AXIN1: variants seen among roughly 807,000 people sequenced by gnomAD.
AXIN1 encodes axin-1.
Under a neutral mutation model 76.4 loss-of-function variants are expected in AXIN1, and 30 were observed. The observed-to-expected ratio is 0.39, with a 90% CI of 0.29 to 0.53. The LOEUF is 0.53. Ranked by LOEUF, AXIN1 falls within the 20% of genes least tolerant of loss-of-function variation. AXIN1 has a pLI of 0.66. For synonymous variants in AXIN1, 545 were observed against 501.4 expected (o/e 1.09, Z -1.16); for missense variants, 1,140 against 1,198.8 (o/e 0.95, Z 0.72).
In AXIN1 at chr16:293,680, G is replaced by C. The variant is rs2141487019; in HGVS notation, c.1994C>G (p.Ser665Cys). 1.9e-6 allele frequency: 3 copies of C among 1,613,800 alleles called. No homozygotes were observed. The highest frequency in any genetic ancestry group is 2.5e-6 in the Non-Finnish European group (3 of 1,180,034). ...GGGGTGCTCAAGGGACAAGGGTCTGGAGTTCTCATGGGGCTGTGGCTTCCT... is the reference window on the plus strand; with the variant it reads ...GGGGTGCTCAAGGGACAAGGGTCTGCAGTTCTCATGGGGCTGTGGCTTCCT... Reference protein sequence around the residue: ...GTRKPQPHENSRPLSLEHPWA... With the variant: ...GTRKPQPHENCRPLSLEHPWA... Residue 665 changes from serine to cysteine, a missense_variant, in exon 8 of 11, where the codon TCC becomes TGC. Transcript: ENST00000262320. The surrounding 1 kb of genome is among the most constrained non-coding windows in gnomAD (Gnocchi z 4.6).
In AXIN1 at chr16:289,475, C is replaced by T. The variant is rs2141467395; in HGVS notation, c.2427G>A (p.Gln809=). 6.2e-7 allele frequency: 1 copy of T among 1,612,960 alleles called. No individual in the cohort carries two copies. ...LVRGRAVTLG[Q]FKELLTKKGS... ...CCTTTTTGGTCAGCAGCTCCTTGAA[C>T]TGGCCCAGGGTGACAGCGCGGCCCC... The change falls in exon 10 of 11, where the codon CAG becomes CAA. Residue 809 remains glutamine (Q), a synonymous_variant. Transcript: ENST00000262320.
intron 2 of AXIN1, among the ~76,000 whole-genome samples, chr16:337,885 G>A (rs2053840174): frequency 6.6e-6 from 1 of 152,266 alleles, no homozygotes; most frequent in African/African-American, 2.4e-5. Flanking sequence ...TGGCAGAGCT[G>A]TGTGTGTTTT....
At chr16:320,253 C>T (rs1249012122) in intron 2 of AXIN1, among the ~76,000 whole-genome samples, 1 of 152,142 alleles carries the variant, frequency 6.6e-6, no homozygotes, top group East Asian at 1.9e-4. Flanking sequence ...ACTATGTCAC[C>T]CAGGCTGGTC....
Position 346,568 on chromosome 16 carries a change from T to C in AXIN1, c.458A>G (p.Asn153Ser), listed in dbSNP as rs376617060. The C allele has an allele frequency of 8.7e-6, 14 of 1,613,356 alleles. No homozygotes were observed. Among genetic ancestry groups the C allele is most frequent in the Non-Finnish European group, 9.3e-6 (11 of 1,179,566 alleles). Residue 153 changes from asparagine to serine, a missense_variant, in exon 2 of 11, where the codon AAT becomes AGT. This residue lies in a region of AXIN1 where 708 missense variants were observed against 776.9 expected (regional missense o/e 0.91). Transcript: ENST00000262320. The stretch of plus-strand genomic sequence containing the variant: ...CTTGGTCTGCCGGGACACGATGCCA[T>C]TGTTATCAAGAATGTACTTTCGGTA... The part of the protein sequence containing the change: ...AIYRKYILDN[N>S]GIVSRQTKPA...
At chr16:307,880 T>C (rs1252534055) in intron 4 of AXIN1, among the ~76,000 whole-genome samples, 1 of 152,174 alleles carries the variant, frequency 6.6e-6, no homozygotes, top group Non-Finnish European at 1.5e-5. Context: ...TCGGGTCCAG[T>C]TTCCCAGTAG....
chr16:323,165 C>A (rs149560154), intron 2 of AXIN1, among the ~76,000 whole-genome samples: 1 of 152,068 alleles, frequency 6.6e-6, no homozygotes, highest in East Asian at 1.9e-4. Context: ...AGAGGCCGGG[C>A]GCGGTGGCTC....
chr16:297,208 C>G lies in AXIN1; in HGVS notation c.1803G>C (p.Ala601=). ...CAGCCTTCTTGGCATTTCTTTTGCA[C>G]GCCACGCCCACCTTCCCACTGCAAG... The part of the protein sequence containing the change: ...GLAHSGKVGV[A]CKRNAKKAES... Residue 601 remains alanine (A), a synonymous_variant, in exon 7 of 11, where the codon GCG becomes GCC. Transcript: ENST00000262320. 6.2e-7 allele frequency: 1 copy of G among 1,607,538 alleles called. No homozygotes were observed. Among genetic ancestry groups the G allele is most frequent in the East Asian group, 2.2e-5 (1 of 44,870 alleles).
intron 6 of AXIN1, 73 bp from the exon 7 acceptor site, chr16:297,299 C>A (rs1164363488): frequency 5.7e-6 from 9 of 1,574,620 alleles, no homozygotes; most frequent in African/African-American, 2.7e-5. Context: ...GTCTGCGAGG[C>A]CCCCTCCTGG....
Position 315,222 on chromosome 16 carries a change from G to T in AXIN1, c.879-539C>A, listed in dbSNP as rs144668666. 1.3e-4 allele frequency among the ~76,000 whole-genome samples: 20 copies of T among 152,330 alleles called. No homozygotes were observed. In the East Asian group the frequency reaches 3.7e-3, roughly 28 times the overall value. On this transcript the variant is annotated intron_variant, in intron 2 of 10. Coordinates refer to ENST00000262320, the MANE Select transcript of AXIN1 (RefSeq NM_003502.4). ...GAGGTTCCTCCCCAGCTCCTGGGAC[G>T]ATTCACCTCCTCTTGTTACTGCAAA...
Position 303,224 on chromosome 16 carries a change from G to A in AXIN1, c.1254+1080C>T, listed in dbSNP as rs148320137. Among the ~76,000 whole-genome samples the A allele has an allele frequency of 1.4e-3, 214 of 152,176 alleles. 1 individual carries two copies. Among genetic ancestry groups the A allele is most frequent in the Non-Finnish European group, 2.0e-3 (134 of 68,008 alleles). On this transcript the variant is annotated intron_variant, in intron 5 of 10. Coordinates refer to ENST00000262320, the MANE Select transcript of AXIN1 (RefSeq NM_003502.4). The stretch of plus-strand genomic sequence containing the variant: ...AGGGGTCTCCAGAGAAACTCCAGCC[G>A]GCCTGCGCACTGGGAGGAGCGCACA...
intron 1 of AXIN1, among the ~76,000 whole-genome samples, chr16:349,193 A>G (rs781438007): frequency 8.5e-5 from 13 of 152,352 alleles, no homozygotes; most frequent in Middle Eastern, 6.8e-3. Context: ...TGTGCCCCCA[A>G]TGACATTTCA....
intron 2 of AXIN1, among the ~76,000 whole-genome samples, chr16:319,861 G>A (rs2053400081): frequency 6.6e-6 from 1 of 152,232 alleles, no homozygotes; most frequent in Admixed American, 6.5e-5. Flanking sequence ...TACATTTAGT[G>A]TGATGTGGAG....
chr16:291,324 G>A (rs1256560803), intron 8 of AXIN1, 27 bp from the exon 9 acceptor site: 5 of 1,545,448 alleles, frequency 3.2e-6, no homozygotes, highest in Non-Finnish European at 4.4e-6. Context: ...GTCAAAGGTG[G>A]CTGTGCCGGC....
rs537000366 is a variant in AXIN1, at chr16:304,446, G to A, written c.1117-5C>T. The A allele has an allele frequency of 8.1e-6, 13 of 1,612,688 alleles. No individual in the cohort carries two copies. The highest frequency in any genetic ancestry group is 3.3e-5 in the Admixed American group (2 of 60,034). ...CTTCGGCACCCGGTACGTGCGCTGC[G>A]AGGGACAGGACTGTGAGGCACGGGG... On this transcript the variant is annotated splice_polypyrimidine_tract_variant and splice_region_variant and intron_variant, in intron 4 of 10. Coordinates refer to ENST00000262320, the MANE Select transcript of AXIN1 (RefSeq NM_003502.4).
rs368130775 is a variant in AXIN1 at position 318,734 on chromosome 16, G to A, written c.879-4051C>T. Among the ~76,000 whole-genome samples, 32 of 152,304 alleles carry A rather than the reference G, an allele frequency of 2.1e-4. 1 individual carries two copies. The South Asian group carries it at 5.0e-3, about 24-fold the overall frequency. ...CACGTATCCATCTGTGTGCGCGCCCGCATGCCCATGTGTGCACCTGTATGC... is the reference window on the plus strand; with the variant it reads ...CACGTATCCATCTGTGTGCGCGCCCACATGCCCATGTGTGCACCTGTATGC... On this transcript the variant is annotated intron_variant, in intron 2 of 10. Transcript: ENST00000262320.
At chr16:300,841 C>G (rs987106391) in intron 5 of AXIN1, among the ~76,000 whole-genome samples, 1 of 152,130 alleles carries the variant, frequency 6.6e-6, no homozygotes, top group Admixed American at 6.5e-5. Flanking sequence ...GTTTTGATGC[C>G]GTTCACTGCC....
intron 2 of AXIN1, among the ~76,000 whole-genome samples, chr16:337,008 G>A (rs1161729625): frequency 1.1e-4 from 16 of 150,876 alleles, no homozygotes; most frequent in Admixed American, 6.0e-4. Flanking sequence ...AAATTAGCCG[G>A]GCATGGTGGC....
Position 297,973 on chromosome 16 carries a change from C to T in AXIN1, c.1533G>A (p.Ser511=), listed in dbSNP as rs147945282. The change falls in exon 6 of 11, where the codon TCG becomes TCA. Residue 511 remains serine (S), a synonymous_variant. Coordinates refer to ENST00000262320, the MANE Select transcript of AXIN1 (RefSeq NM_003502.4). ...ACTTGGGTACGTGCTTCCCGTGCCC[C>T]GAGGCGGCACCCCCCAGTGCCACTG... The part of the protein sequence containing the change: ...KMPVALGGAA[S]GHGKHVPKSG... 1.7e-4 allele frequency: 267 copies of T among 1,601,372 alleles called. No homozygotes were observed. The African/African-American group carries it at 3.1e-3, about 19-fold the overall frequency.
At chr16:336,680 G>A (rs1215841154) in intron 2 of AXIN1, among the ~76,000 whole-genome samples, 1 of 151,994 alleles carries the variant, frequency 6.6e-6, no homozygotes, top group Non-Finnish European at 1.5e-5. Flanking sequence ...AGCCAGGTGT[G>A]GTGGCGCATG....
Sources: gnomAD v4.1 joint callset for allele counts (sites outside exome capture counted in the v4.1 genomes callset) on GRCh38, gnomAD v4.1.1 for gene constraint, gnomAD v4.1.1 regional missense constraint, Gnocchi (gnomAD v3.1) non-coding constraint, MANE v1.5 for transcripts, NCBI Gene and HGNC (gene_info 2026-07-23, HGNC 2026-07-21) for gene names.